Variants in IQSEC1 observed in about 807,000 individuals in gnomAD.
The protein encoded by IQSEC1 is IQ motif and SEC7 domain-containing protein 1.
IQSEC1 carries 31 observed loss-of-function variants against 91.0 expected under a neutral mutation model. The observed-to-expected ratio is 0.34, with a 90% CI of 0.26 to 0.46. The LOEUF is 0.46. IQSEC1 is among the 20% of genes least tolerant of loss of function. The pLI is 1.00. For synonymous variants in IQSEC1, 699 were observed against 662.6 expected (o/e 1.05, Z -0.84); for missense variants, 1,388 against 1,575.6 (o/e 0.88, Z 2.02).
chr3:13,111,137 T>A (rs1329869516), intron 2 of IQSEC1, among the ~76,000 whole-genome samples: 1 of 152,202 alleles, frequency 6.6e-6, no homozygotes, highest in Non-Finnish European at 1.5e-5. Flanking sequence ...AAACACTGCA[T>A]TTCCCAGGTA....
At chr3:13,064,131 G>C (rs1341665133) in intron 1 of IQSEC1, among the ~76,000 whole-genome samples, 1 of 151,972 alleles carries the variant, frequency 6.6e-6, no homozygotes, top group Non-Finnish European at 1.5e-5. Context: ...TCCCATCTTA[G>C]GTAGCTTTCC....
At chr3:13,014,342 C>T (rs560654373) in intron 1 of IQSEC1, among the ~76,000 whole-genome samples, 10 of 152,334 alleles carry the variant, frequency 6.6e-5, no homozygotes, top group African/African-American at 1.9e-4. Context: ...AGGACTTTCG[C>T]TATGGGTTAT....
chr3:13,031,741 G>A (rs554750304), intron 1 of IQSEC1, among the ~76,000 whole-genome samples: 52 of 152,144 alleles, frequency 3.4e-4, no homozygotes, highest in African/African-American at 1.2e-3. Flanking sequence ...GACGGTGAGG[G>A]CGACAAAGAA....
chr3:13,283,189 C>T (rs1021413205), exon 1 of IQSEC1, among the ~76,000 whole-genome samples: 1 of 146,302 alleles, frequency 6.8e-6, no homozygotes, highest in Non-Finnish European at 1.5e-5. Context: ...CCCGCTGCCC[C>T]GCGGACGCGC....
intron 1 of IQSEC1, among the ~76,000 whole-genome samples, chr3:12,975,086 C>T (rs1051149643): frequency 4.6e-5 from 7 of 152,224 alleles, no homozygotes; most frequent in Admixed American, 2.6e-4. Context: ...TCCTTTCAGG[C>T]GCAGTGTGAG....
intron 1 of IQSEC1, among the ~76,000 whole-genome samples, chr3:13,277,137 A>AAAAAAAAAAAAAAAAAAAAC (rs60347391): frequency 3.4e-5 from 4 of 118,384 alleles, no homozygotes; most frequent in African/African-American, 1.5e-4. Context: ...AAAAAAAAAA[A>AAAAAAAAAAAAAAAAAAAAC]CAGAAAACAA....
rs111692623 is a variant in IQSEC1 at position 12,977,565 on chromosome 3, C to T, written c.24-35700G>A. Among the ~76,000 whole-genome samples, 290 of 152,260 alleles carry T rather than the reference C, an allele frequency of 1.9e-3. 1 individual carries two copies. The highest frequency in any genetic ancestry group is 6.7e-3 in the African/African-American group (279 of 41,552). ...ACCTGGATGTCACTGGCTTAGACACCGTGGCAGGGCCGGGGCTGCATTCCT... is the reference window on the plus strand; with the variant it reads ...ACCTGGATGTCACTGGCTTAGACACTGTGGCAGGGCCGGGGCTGCATTCCT... On this transcript the variant is annotated intron_variant, in intron 1 of 13. Coordinates refer to ENST00000613206, the MANE Select transcript of IQSEC1 (RefSeq NM_001134382.3).
At chr3:13,240,397 T>C (rs578254452) in intron 1 of IQSEC1, among the ~76,000 whole-genome samples, 1 of 151,866 alleles carries the variant, frequency 6.6e-6, no homozygotes, top group East Asian at 1.9e-4. Context: ...AAATAAAAAT[T>C]AAAACCCTGA....
At chr3:12,939,158 A>ACTCAGCGGAGGGAAGACG (rs3836370) in intron 2 of IQSEC1, among the ~76,000 whole-genome samples, 3 of 152,146 alleles carry the variant, frequency 2.0e-5, no homozygotes, top group African/African-American at 7.2e-5. Flanking sequence ...AGGACAAGAC[A>ACTCAGCGGAGGGAAGACG]CTCAGCGGAG....
rs530201076 is a variant in IQSEC1, at chr3:13,008,398, A to G, written c.23+64594T>C. 1.8e-4 allele frequency among the ~76,000 whole-genome samples: 27 copies of G among 152,272 alleles called. No homozygotes were observed. The South Asian group carries it at 5.2e-3, about 29-fold the overall frequency. The stretch of plus-strand genomic sequence containing the variant: ...AGACGTCCTCTCTGAGAGTGCTGCC[A>G]TTAGTCTCCAAACCCTCTGTCCTTT... On this transcript the variant is annotated intron_variant, in intron 1 of 13. Transcript: ENST00000613206. This position sits in a 1 kb window ranked among gnomAD's most constrained non-coding sequence, Gnocchi z 4.1.
At chr3:13,222,744 C>T (rs886719039) in intron 1 of IQSEC1, among the ~76,000 whole-genome samples, 2 of 152,200 alleles carry the variant, frequency 1.3e-5, no homozygotes, top group Non-Finnish European at 2.9e-5. Context: ...TCTTCCCCAC[C>T]GGACTCCTCA....
chr3:12,944,426 G>C (rs975417765), intron 1 of IQSEC1, among the ~76,000 whole-genome samples: 1 of 152,202 alleles, frequency 6.6e-6, no homozygotes, highest in African/African-American at 2.4e-5. Context: ...GCAGGGGAGC[G>C]TTGGCCTCGC....
intron 1 of IQSEC1, among the ~76,000 whole-genome samples, chr3:13,182,673 A>G (rs934620126): frequency 1.3e-5 from 2 of 152,340 alleles, no homozygotes; most frequent in Admixed American, 1.3e-4. Context: ...AGAACTAGAA[A>G]TTAGATAATC....
At chr3:12,915,260 T>A (rs1200764034) in intron 7 of IQSEC1, 127 bp from the exon 8 acceptor site, 1 of 1,091,606 alleles carries the variant, frequency 9.2e-7, no homozygotes, top group East Asian at 2.6e-5. Flanking sequence ...GGGTACCCAC[T>A]CTCTCTGGCA....
intron 1 of IQSEC1, among the ~76,000 whole-genome samples, chr3:13,217,643 C>T (rs1694575857): frequency 6.6e-6 from 1 of 152,210 alleles, no homozygotes; most frequent in Non-Finnish European, 1.5e-5. Flanking sequence ...TTCTAGGCCC[C>T]ATCTCCAGTT....
chr3:12,954,591 C>T (rs764785536), intron 1 of IQSEC1, among the ~76,000 whole-genome samples: 11 of 152,224 alleles, frequency 7.2e-5, no homozygotes, highest in Non-Finnish European at 1.5e-4. Context: ...AGTTAGGTTT[C>T]CTCACAGCAT....
intron 9 of IQSEC1, among the ~76,000 whole-genome samples, chr3:12,912,739 G>T (rs1418503199): frequency 6.6e-6 from 1 of 151,898 alleles, no homozygotes; most frequent in East Asian, 1.9e-4. Flanking sequence ...GCATGCAGGG[G>T]TACAGAAATC....
intron 1 of IQSEC1, among the ~76,000 whole-genome samples, chr3:13,002,799 G>A (rs1317470137): frequency 2.0e-5 from 3 of 152,150 alleles, no homozygotes; most frequent in Non-Finnish European, 4.4e-5. Flanking sequence ...CACCCACTAG[G>A]ACAGCTAGAA....
intron 1 of IQSEC1, among the ~76,000 whole-genome samples, chr3:13,254,745 AG>A (rs1333520488): frequency 1.3e-5 from 2 of 152,212 alleles, no homozygotes; most frequent in African/African-American, 4.8e-5. Flanking sequence ...AGCGAGCAGC[AG>A]GTGGCAGAGC....
Sources: allele counts gnomAD v4.1 joint callset (sites outside exome capture counted in the v4.1 genomes callset), GRCh38; gene constraint gnomAD v4.1.1; non-coding constraint Gnocchi (gnomAD v3.1); transcripts MANE v1.5; gene names NCBI Gene and HGNC (gene_info 2026-07-23, HGNC 2026-07-21).